The following PRKAG2 variants were observed in gnomAD, a reference collection of about 807,000 sequenced individuals.
The protein encoded by PRKAG2 is 5'-AMP-activated protein kinase subunit gamma-2.
Under a neutral mutation model 69.6 loss-of-function variants are expected in PRKAG2, and 26 were observed. The observed-to-expected ratio is 0.37, with a 90% CI of 0.27 to 0.52. PRKAG2 has a LOEUF of 0.52. PRKAG2 is among the 20% of genes least tolerant of loss of function. PRKAG2 has a pLI of 0.90. For missense variants in PRKAG2, 557 were observed against 740.0 expected, an observed-to-expected ratio of 0.75 and a Z score of 2.87; for synonymous variants, 293 against 285.0, an observed-to-expected ratio of 1.03 and a Z score of -0.28.
At chr7:151,604,680 T>C (rs1432496907) in intron 5 of PRKAG2, among the ~76,000 whole-genome samples, 2 of 152,132 alleles carry the variant, frequency 1.3e-5, no homozygotes, top group Non-Finnish European at 2.9e-5. Flanking sequence ...CAACAATGTA[T>C]TAACAAAAGT....
intron 2 of PRKAG2, among the ~76,000 whole-genome samples, chr7:151,785,331 G>T (rs1358522581): frequency 6.6e-6 from 1 of 152,242 alleles, no homozygotes; most frequent in African/African-American, 2.4e-5. Flanking sequence ...AGACGACCCA[G>T]TGCCCGCGGG....
chr7:151,709,885 G>A (rs950143880), intron 3 of PRKAG2, among the ~76,000 whole-genome samples: 1 of 152,068 alleles, frequency 6.6e-6, no homozygotes, highest in African/African-American at 2.4e-5. Flanking sequence ...CTGACATTGA[G>A]TGATGTGACA....
intron 5 of PRKAG2, among the ~76,000 whole-genome samples, chr7:151,602,357 T>C (rs1315630097): frequency 1.3e-5 from 2 of 152,206 alleles, no homozygotes; most frequent in African/African-American, 4.8e-5. Flanking sequence ...ATTCATTAAA[T>C]CAAGAATTTT....
At chr7:151,656,894 T>C (rs1267734644) in intron 4 of PRKAG2, among the ~76,000 whole-genome samples, 2 of 152,056 alleles carry the variant, frequency 1.3e-5, no homozygotes, top group Non-Finnish European at 2.9e-5. Context: ...TCCAGCACTT[T>C]GGGAGGCCGA....
intron 15 of PRKAG2, chr7:151,558,913 G>T (rs1804347052): frequency 2.0e-6 from 2 of 985,454 alleles, no homozygotes; most frequent in African/African-American, 3.5e-5. Context: ...CAGAGAGGAT[G>T]AATCGCTTGA....
chr7:151,798,980 C>T (rs73728299), intron 1 of PRKAG2, among the ~76,000 whole-genome samples: 180 of 152,318 alleles, frequency 1.2e-3, no homozygotes, highest in African/African-American at 4.2e-3. Flanking sequence ...ATCCCCAGGC[C>T]ACCGCTAGAC....
intron 3 of PRKAG2, among the ~76,000 whole-genome samples, chr7:151,732,017 GAGA>G (rs970804400): frequency 6.6e-6 from 1 of 151,950 alleles, no homozygotes; most frequent in African/African-American, 2.4e-5. Flanking sequence ...ATTTTTTGTA[GAGA>G]AGGAGTTTTG....
chr7:151,824,528 G>C (rs1244997993), intron 1 of PRKAG2, among the ~76,000 whole-genome samples: 1 of 152,076 alleles, frequency 6.6e-6, no homozygotes, highest in East Asian at 1.9e-4. Context: ...CCTCTAGGAG[G>C]GTTATTATCC....
intron 5 of PRKAG2, among the ~76,000 whole-genome samples, chr7:151,616,920 C>T (rs1048090560): frequency 1.3e-5 from 2 of 152,036 alleles, no homozygotes; most frequent in East Asian, 3.9e-4. Flanking sequence ...GCTGGAGATG[C>T]GACAGGAAAG....
intron 1 of PRKAG2, among the ~76,000 whole-genome samples, chr7:151,841,892 T>C (rs2079302178): frequency 7.0e-6 from 1 of 143,594 alleles, no homozygotes; most frequent in South Asian, 2.3e-4. Flanking sequence ...GTAGTGATGG[T>C]AGGTAGTGAT....
rs2077135166 is a variant in PRKAG2, at chr7:151,788,804, G to C, written c.115-2263C>G. On this transcript the variant is annotated intron_variant, in intron 1 of 15. Transcript: ENST00000287878. The surrounding 1 kb of genome is among the most constrained non-coding windows in gnomAD (Gnocchi z 4.6). ...TTTTAGCTCTTATATTTAGGTCTTT[G>C]ACCTATGTAAATTTTTGTATATGGT... 6.6e-6 allele frequency among the ~76,000 whole-genome samples: 1 copy of C among 152,120 alleles called. No individual in the cohort carries two copies. The highest frequency in any genetic ancestry group is 1.5e-5 in the Non-Finnish European group (1 of 68,020).
At chr7:151,749,874 A>T (rs1483268550) in intron 3 of PRKAG2, among the ~76,000 whole-genome samples, 1 of 151,868 alleles carries the variant, frequency 6.6e-6, no homozygotes, top group Non-Finnish European at 1.5e-5. Flanking sequence ...AGGTGGGCAG[A>T]TCACGTGAGG....
chr7:151,791,125 C>G (rs1193668793), intron 1 of PRKAG2, among the ~76,000 whole-genome samples: 1 of 152,204 alleles, frequency 6.6e-6, no homozygotes, highest in Non-Finnish European at 1.5e-5. Context: ...GCACAGATGG[C>G]AGGCTTTGCT....
intron 1 of PRKAG2, among the ~76,000 whole-genome samples, chr7:151,875,930 A>G (rs1357676988): frequency 1.3e-5 from 2 of 151,896 alleles, no homozygotes; most frequent in Non-Finnish European, 2.9e-5. Flanking sequence ...GGGCGGGGGA[A>G]GGGAACGGCG....
intron 3 of PRKAG2, among the ~76,000 whole-genome samples, chr7:151,748,784 G>T (rs1165244668): frequency 2.6e-5 from 4 of 152,166 alleles, no homozygotes; most frequent in Admixed American, 6.5e-5. Context: ...AATAAAAAAG[G>T]TTGCAAAACT....
chr7:151,723,272 G>A (rs1247885747), intron 3 of PRKAG2, among the ~76,000 whole-genome samples: 2 of 152,128 alleles, frequency 1.3e-5, no homozygotes, highest in African/African-American at 4.8e-5. Context: ...TAGTGCAGTG[G>A]AGTCCTTCTT....
intron 4 of PRKAG2, among the ~76,000 whole-genome samples, chr7:151,653,880 G>A (rs911616440): frequency 1.3e-5 from 2 of 152,100 alleles, no homozygotes; most frequent in African/African-American, 4.8e-5. Context: ...TACACGTCTC[G>A]CTGCAGATAA....
chr7:151,789,980 C>CTA (rs1265650009), intron 1 of PRKAG2, among the ~76,000 whole-genome samples: 4 of 152,186 alleles, frequency 2.6e-5, no homozygotes, highest in Non-Finnish European at 5.9e-5. Context: ...TTGTCATTTT[C>CTA]CAAACACAGC....
intron 10 of PRKAG2, among the ~76,000 whole-genome samples, chr7:151,569,296 T>TA (rs772971830): frequency 3.2e-4 from 49 of 152,374 alleles, no homozygotes; most frequent in Non-Finnish European, 5.4e-4. Context: ...TGGCCTCCCA[T>TA]AGTGCTGGGA....
Sources: allele counts gnomAD v4.1 joint callset (sites outside exome capture counted in the v4.1 genomes callset), GRCh38; gene constraint gnomAD v4.1.1; non-coding constraint Gnocchi (gnomAD v3.1); transcripts MANE v1.5; gene names NCBI Gene and HGNC (gene_info 2026-07-23, HGNC 2026-07-21).